Variants in JAKMIP2 observed in about 807,000 individuals in gnomAD.
JAKMIP2 encodes janus kinase and microtubule-interacting protein 2.
Under a neutral mutation model 115.0 loss-of-function variants are expected in JAKMIP2, and 25 were observed. The observed-to-expected ratio is 0.22, with a 90% CI of 0.16 to 0.30. The LOEUF (loss-of-function observed/expected upper bound fraction) is 0.30. Among genes scored for constraint, JAKMIP2 ranks in the 10% least tolerant of loss-of-function variants. JAKMIP2 has a pLI of 1.00. For synonymous variants in JAKMIP2, 334 were observed against 343.6 expected, an observed-to-expected ratio of 0.97 and a Z score of 0.31; for missense variants, 642 against 957.6, an observed-to-expected ratio of 0.67 and a Z score of 4.35.
chr5:147,697,857 G>T (rs1457458072), intron 1 of JAKMIP2, among the ~76,000 whole-genome samples: 3 of 152,226 alleles, frequency 2.0e-5, no homozygotes, highest in Non-Finnish European at 4.4e-5. Context: ...CTTTGCTAGG[G>T]CAGTGCAGAA....
chr5:147,613,805 G>A (rs1323736927), intron 19 of JAKMIP2, among the ~76,000 whole-genome samples: 1 of 152,180 alleles, frequency 6.6e-6, no homozygotes, highest in Non-Finnish European at 1.5e-5. Flanking sequence ...AAGTAAGGGG[G>A]CTAAGGTTTG....
intron 5 of JAKMIP2, among the ~76,000 whole-genome samples, chr5:147,647,999 A>G (rs1758208280): frequency 6.6e-6 from 1 of 152,242 alleles, no homozygotes; most frequent in African/African-American, 2.4e-5. Flanking sequence ...CACAATGGAT[A>G]AATCTCACAA....
intron 20 of JAKMIP2, among the ~76,000 whole-genome samples, chr5:147,606,174 C>T (rs1339522082): frequency 1.3e-5 from 2 of 151,944 alleles, no homozygotes; most frequent in Non-Finnish European, 2.9e-5. Context: ...TGTGCAGATG[C>T]TCTTTAGCTT....
At chr5:147,604,062 C>T (rs1052033552) in intron 20 of JAKMIP2, among the ~76,000 whole-genome samples, 2 of 152,098 alleles carry the variant, frequency 1.3e-5, no homozygotes. Flanking sequence ...GAGCTAAGAG[C>T]TGGCCATTCA....
intron 7 of JAKMIP2, among the ~76,000 whole-genome samples, chr5:147,643,181 A>G (rs1266852604): frequency 2.6e-5 from 4 of 152,144 alleles, no homozygotes; most frequent in Non-Finnish European, 5.9e-5. Context: ...ATACAATTAT[A>G]TATTTAAATT....
chr5:147,718,616 T>C (rs1345544752), intron 1 of JAKMIP2, among the ~76,000 whole-genome samples: 1 of 151,822 alleles, frequency 6.6e-6, no homozygotes, highest in African/African-American at 2.4e-5. Flanking sequence ...TTCTTCTAGA[T>C]TTTCTAGTTT....
chr5:147,607,421 A>C (rs1404691830), intron 20 of JAKMIP2, among the ~76,000 whole-genome samples: 4 of 152,134 alleles, frequency 2.6e-5, no homozygotes, highest in African/African-American at 4.8e-5. Context: ...TTCTGCATCT[A>C]TTGAGATAAT....
intron 1 of JAKMIP2, among the ~76,000 whole-genome samples, chr5:147,724,978 G>T (rs894463586): frequency 3.3e-5 from 5 of 151,652 alleles, no homozygotes; most frequent in African/African-American, 1.2e-4. Flanking sequence ...GAAATAGGAG[G>T]TCAGCACAAG....
At chr5:147,733,668 T>G (rs78286400) in intron 1 of JAKMIP2, among the ~76,000 whole-genome samples, 1 of 152,100 alleles carries the variant, frequency 6.6e-6, no homozygotes, top group African/African-American at 2.4e-5. Context: ...CCTGTGTCCA[T>G]GTGTTCTCAT....
At chr5:147,718,483 C>G (rs535222258) in intron 1 of JAKMIP2, among the ~76,000 whole-genome samples, 29 of 152,110 alleles carry the variant, frequency 1.9e-4, no homozygotes, top group African/African-American at 6.7e-4. Context: ...CTCCTGGACT[C>G]TTTTTGGTTG....
At chr5:147,751,256 G>GTTTTTTTTTTTT (rs59032563) in intron 1 of JAKMIP2, among the ~76,000 whole-genome samples, 15 of 131,586 alleles carry the variant, frequency 1.1e-4, no homozygotes, top group East Asian at 7.0e-4. Context: ...TTTTGTTGTT[G>GTTTTTTTTTTTT]TTTTTTTTTT....
At chr5:147,682,632 C>T (rs896292490) in intron 1 of JAKMIP2, among the ~76,000 whole-genome samples, 1 of 152,158 alleles carries the variant, frequency 6.6e-6, no homozygotes, top group African/African-American at 2.4e-5. Flanking sequence ...ATCTAATTAA[C>T]ATTGATCCAG....
intron 1 of JAKMIP2, among the ~76,000 whole-genome samples, chr5:147,689,405 A>T (rs750139170): frequency 1.3e-5 from 2 of 152,214 alleles, no homozygotes; most frequent in Non-Finnish European, 2.9e-5. Context: ...TAAAAGGAGA[A>T]GACTGAGCAT....
chr5:147,613,677 C>G (rs1756437868), intron 19 of JAKMIP2, among the ~76,000 whole-genome samples: 1 of 151,978 alleles, frequency 6.6e-6, no homozygotes, highest in African/African-American at 2.4e-5. Flanking sequence ...GAGTAGAAGC[C>G]AGGAATGCTA....
intron 20 of JAKMIP2, among the ~76,000 whole-genome samples, chr5:147,605,661 A>G (rs1343035277): frequency 6.6e-6 from 1 of 152,098 alleles, no homozygotes; most frequent in East Asian, 1.9e-4. Flanking sequence ...ATATCCAGTA[A>G]TGGGTTTATA....
intron 3 of JAKMIP2, 131 bp from the exon 4 acceptor site, chr5:147,650,678 G>T: frequency 1.5e-6 from 1 of 686,116 alleles, no homozygotes; most frequent in Non-Finnish European, 2.4e-6. Context: ...TAAGTGTATT[G>T]GTTTCATGAG....
intron 1 of JAKMIP2, among the ~76,000 whole-genome samples, chr5:147,699,074 G>C (rs750823562): frequency 2.6e-5 from 4 of 152,082 alleles, no homozygotes; most frequent in African/African-American, 4.8e-5. Context: ...CCAGGCCTTT[G>C]CTCATGCTAT....
intron 1 of JAKMIP2, among the ~76,000 whole-genome samples, chr5:147,680,337 C>T (rs943403612): frequency 2.0e-5 from 3 of 152,174 alleles, no homozygotes; most frequent in Non-Finnish European, 2.9e-5. Context: ...TGGGGAAATA[C>T]GACCTACATT....
At chr5:147,621,954 G>T (rs536015434) in intron 17 of JAKMIP2, among the ~76,000 whole-genome samples, 3 of 151,940 alleles carry the variant, frequency 2.0e-5, no homozygotes, top group South Asian at 2.1e-4. Flanking sequence ...TGCAAACTCC[G>T]CCTCCTGGGT....
Sources: gnomAD v4.1 joint callset for allele counts (sites outside exome capture counted in the v4.1 genomes callset) on GRCh38, gnomAD v4.1.1 for gene constraint, MANE v1.5 for transcripts, NCBI Gene and HGNC (gene_info 2026-07-23, HGNC 2026-07-21) for gene names.